NCOR2: variants seen among roughly 807,000 people sequenced by gnomAD.
The protein encoded by NCOR2 is nuclear receptor corepressor 2.
A neutral mutation model predicts 262.9 loss-of-function variants in NCOR2; 81 were observed. The observed-to-expected ratio is 0.31, with a 90% CI of 0.26 to 0.37. The LOEUF is 0.37. NCOR2 is among the 10% of genes least tolerant of loss of function. NCOR2 has a pLI of 1.00. For synonymous variants in NCOR2, 1,659 were observed against 1,559.3 expected (o/e 1.06, Z -1.51); for missense variants, 3,385 against 3,621.4 (o/e 0.93, Z 1.68).
intron 37 of NCOR2, among the ~76,000 whole-genome samples, chr12:124,338,706 G>A (rs989165282): frequency 1.3e-5 from 2 of 151,812 alleles, no homozygotes; most frequent in Non-Finnish European, 2.9e-5. Context: ...TGCTAAATGT[G>A]GGGGACCGGG....
At chr12:124,506,051 T>C (rs1179788876) in intron 1 of NCOR2, among the ~76,000 whole-genome samples, 1 of 151,534 alleles carries the variant, frequency 6.6e-6, no homozygotes, top group Non-Finnish European at 1.5e-5. Context: ...CCCCACATTC[T>C]GCTTCAAGCC....
At chr12:124,418,862 C>G (rs1475456865) in intron 13 of NCOR2, among the ~76,000 whole-genome samples, 2 of 152,224 alleles carry the variant, frequency 1.3e-5, no homozygotes, top group African/African-American at 4.8e-5. Context: ...ATGCCAGGCA[C>G]GTAGTGCTTC....
chr12:124,425,857 C>T (rs189336801), intron 11 of NCOR2, among the ~76,000 whole-genome samples: 23 of 152,264 alleles, frequency 1.5e-4, no homozygotes, highest in Admixed American at 1.2e-3. Context: ...TCTGAGCCTC[C>T]GTGTCATCAG....
chr12:124,453,288 C>A lies in NCOR2; in HGVS notation c.763-3421G>T, dbSNP rs566212083. 7.2e-5 allele frequency among the ~76,000 whole-genome samples: 11 copies of A among 152,324 alleles called. No homozygotes were observed. In the East Asian group the frequency reaches 2.1e-3, roughly 29 times the overall value. Reference sequence around the variant, plus strand: ...GGGCATGGCTGGCCCCTGTCCCTCACCCCCAGGCCTTATCCTCCCGGGAGA... The same window carrying A: ...GGGCATGGCTGGCCCCTGTCCCTCAACCCCAGGCCTTATCCTCCCGGGAGA... On this transcript the variant is annotated intron_variant, in intron 6 of 46. Transcript: ENST00000405201.
At chr12:124,343,177 C>A (rs571877591) in exon 33 of NCOR2, 2 of 1,609,342 alleles carry the variant, frequency 1.2e-6, no homozygotes, top group Non-Finnish European at 1.7e-6. Flanking sequence ...TCTCACGAGG[C>A]GTCGACGTCA....
chr12:124,457,587 G>T lies in NCOR2; in HGVS notation c.706-425C>A, dbSNP rs2045947917. The stretch of plus-strand genomic sequence containing the variant: ...CTCAGAGCTAGTGCAGCCAGCGAGG[G>T]AAGGAGGAGGAGGAGGAGGAGGGAG... On this transcript the variant is annotated intron_variant, in intron 5 of 46. Coordinates refer to ENST00000405201, the Ensembl canonical transcript of NCOR2. This position sits in a 1 kb window ranked among gnomAD's most constrained non-coding sequence, Gnocchi z 4.0. 6.6e-6 allele frequency among the ~76,000 whole-genome samples: 1 copy of T among 152,190 alleles called. No homozygotes were observed.
At chr12:124,382,241 C>T (rs866237125) in intron 17 of NCOR2, among the ~76,000 whole-genome samples, 4 of 152,218 alleles carry the variant, frequency 2.6e-5, no homozygotes, top group Admixed American at 6.5e-5. Flanking sequence ...CTTACTGCAG[C>T]GATGGGGAGC....
chr12:124,497,529 G>C (rs1465729823), upstream of NCOR2, among the ~76,000 whole-genome samples: 1 of 152,196 alleles, frequency 6.6e-6, no homozygotes, highest in Non-Finnish European at 1.5e-5. This position sits in a 1 kb window ranked among gnomAD's most constrained non-coding sequence, Gnocchi z 4.2. Context: ...CATTCAGTTA[G>C]GCATAACTTT....
chr12:124,365,450 G>A (rs1044371086), intron 20 of NCOR2, among the ~76,000 whole-genome samples: 10 of 152,334 alleles, frequency 6.6e-5, no homozygotes, highest in South Asian at 2.1e-4. Flanking sequence ...GAGCAGGGCC[G>A]ATGCCCAGGG....
At chr12:124,398,955 G>A (rs1267597774) in intron 15 of NCOR2, among the ~76,000 whole-genome samples, 2 of 152,218 alleles carry the variant, frequency 1.3e-5, no homozygotes, top group African/African-American at 4.8e-5. Context: ...TCTGTCTGCC[G>A]AGCTCCTCTG....
At chr12:124,341,757 G>T in intron 34 of NCOR2, 66 bp downstream of exon 36, 1 of 1,539,412 alleles carries the variant, frequency 6.5e-7, no homozygotes, top group Non-Finnish European at 8.7e-7. Context: ...CGAGGCCACA[G>T]GGGCACGCCC....
chr12:124,376,255 GCA>G (rs1231974996), intron 18 of NCOR2, among the ~76,000 whole-genome samples: 4 of 152,152 alleles, frequency 2.6e-5, no homozygotes, highest in Non-Finnish European at 5.9e-5. Flanking sequence ...ACCCAGCAGA[GCA>G]TGCCCCTCCC....
At chr12:124,489,274 C>A (rs1412916797) in intron 1 of NCOR2, among the ~76,000 whole-genome samples, 1 of 152,126 alleles carries the variant, frequency 6.6e-6, no homozygotes, top group African/African-American at 2.4e-5. Context: ...ACAATAATAC[C>A]CCACAGTAAT....
At position 124,466,162 on chromosome 12, in the gene NCOR2, G is replaced by T. The variant is rs1410310234; in HGVS notation, c.705+11C>A. On this transcript the variant is annotated intron_variant, in intron 5 of 46. Coordinates refer to ENST00000405201, the Ensembl canonical transcript of NCOR2. ...CACCGGGGGGCAGCAGGCCAGGGCG[G>T]GGACACATACCCGGTTCTCGTCGTA... 6.2e-7 allele frequency: 1 copy of T among 1,603,254 alleles called. No homozygotes were observed. Among genetic ancestry groups the T allele is most frequent in the Non-Finnish European group, 8.5e-7 (1 of 1,174,886 alleles).
intron 7 of NCOR2, 76 bp downstream of exon 9, chr12:124,449,739 A>G: frequency 6.5e-7 from 1 of 1,537,084 alleles, no homozygotes; most frequent in South Asian, 1.1e-5. Context: ...CACGTCCCAC[A>G]TCCCATGCAG....
intron 16 of NCOR2, among the ~76,000 whole-genome samples, chr12:124,393,385 G>A (rs879605600): frequency 4.6e-5 from 7 of 152,184 alleles, no homozygotes; most frequent in Non-Finnish European, 8.8e-5. Context: ...ACACAAGAAG[G>A]GAGGTTGCTC....
At chr12:124,446,436 C>G (rs2045176329) in intron 7 of NCOR2, among the ~76,000 whole-genome samples, 1 of 152,168 alleles carries the variant, frequency 6.6e-6, no homozygotes, top group African/African-American at 2.4e-5. Context: ...CTTACCAGCC[C>G]CCCGTGACCT....
At chr12:124,349,246 C>A (rs964908121) in intron 28 of NCOR2, among the ~76,000 whole-genome samples, 3 of 152,178 alleles carry the variant, frequency 2.0e-5, no homozygotes, top group Non-Finnish European at 2.9e-5. Flanking sequence ...CTGGGCTTTG[C>A]CCATCTAGCC....
At chr12:124,409,381 C>T (rs939206304) in intron 13 of NCOR2, among the ~76,000 whole-genome samples, 2 of 152,178 alleles carry the variant, frequency 1.3e-5, no homozygotes, top group Non-Finnish European at 2.9e-5. Flanking sequence ...CTGGGGTGCT[C>T]CCCCGACTTC....
Sources: allele counts gnomAD v4.1 joint callset (sites outside exome capture counted in the v4.1 genomes callset), GRCh38; gene constraint gnomAD v4.1.1; non-coding constraint Gnocchi (gnomAD v3.1); transcripts MANE v1.5; gene names NCBI Gene and HGNC (gene_info 2026-07-23, HGNC 2026-07-21).